The following ASTN2 variants were observed in gnomAD, a reference collection of about 807,000 sequenced individuals.
The protein encoded by ASTN2 is astrotactin 2, also known as astrotactin-2.
Under a neutral mutation model 139.8 loss-of-function variants are expected in ASTN2, and 54 were observed. The observed-to-expected ratio is 0.39, with a 90% CI of 0.31 to 0.48. The LOEUF is 0.48. Among genes scored for constraint, ASTN2 ranks in the 20% least tolerant of loss-of-function variants. The pLI, the probability that ASTN2 is intolerant of heterozygous loss-of-function variation, is 0.95. For missense variants in ASTN2, 1,565 were observed against 1,725.1 expected (o/e 0.91, Z 1.64); for synonymous variants, 756 against 719.5 (o/e 1.05, Z -0.81).
At chr9:116,450,027 T>C (rs769868463) in intron 20 of ASTN2, among the ~76,000 whole-genome samples, 6 of 152,168 alleles carry the variant, frequency 3.9e-5, no homozygotes, top group African/African-American at 7.2e-5. Flanking sequence ...ATGAGCAAAA[T>C]CAAATGGTGA....
At chr9:116,759,547 A>G (rs575440082) in intron 13 of ASTN2, among the ~76,000 whole-genome samples, 1 of 152,106 alleles carries the variant, frequency 6.6e-6, no homozygotes, top group African/African-American at 2.4e-5. Flanking sequence ...GGCTAGTGAG[A>G]AATATAACAT....
intron 10 of ASTN2, among the ~76,000 whole-genome samples, chr9:116,920,965 C>A (rs576707556): frequency 6.6e-6 from 1 of 152,242 alleles, no homozygotes; most frequent in African/African-American, 2.4e-5. Flanking sequence ...AATGAAATAC[C>A]TGAGACTGAG....
At chr9:116,620,261 G>A in intron 18 of ASTN2, 49 bp downstream of exon 18, 1 of 1,613,202 alleles carries the variant, frequency 6.2e-7, no homozygotes, top group Non-Finnish European at 8.5e-7. Context: ...ACAGGAGTGT[G>A]AGTCCACGAA....
At chr9:117,295,447 T>C (rs1269059867) in intron 1 of ASTN2, among the ~76,000 whole-genome samples, 1 of 152,206 alleles carries the variant, frequency 6.6e-6, no homozygotes, top group Non-Finnish European at 1.5e-5. Context: ...GTGTGTCTTA[T>C]TTCCTGCCAT....
At chr9:116,571,803 T>C (rs1198371341) in intron 19 of ASTN2, among the ~76,000 whole-genome samples, 1 of 152,172 alleles carries the variant, frequency 6.6e-6, no homozygotes, top group Non-Finnish European at 1.5e-5. Flanking sequence ...TATGTGTCTG[T>C]GTGCTTCCCG....
intron 19 of ASTN2, among the ~76,000 whole-genome samples, chr9:116,558,363 CTTT>C (rs35136766): frequency 6.8e-6 from 1 of 147,596 alleles, no homozygotes; most frequent in African/African-American, 2.5e-5. Flanking sequence ...ATGGTCACTA[CTTT>C]TTTTTTTTTT....
chr9:116,988,063 G>A (rs977875573), intron 7 of ASTN2, among the ~76,000 whole-genome samples: 4 of 152,196 alleles, frequency 2.6e-5, no homozygotes, highest in African/African-American at 9.7e-5. Flanking sequence ...TTTTCAGACC[G>A]CAGTTGACTG....
chr9:116,919,965 T>G (rs1005604861), intron 10 of ASTN2, among the ~76,000 whole-genome samples: 7 of 152,052 alleles, frequency 4.6e-5, no homozygotes, highest in African/African-American at 1.7e-4. Context: ...AAGTAATTTT[T>G]TAATATTAGG....
chr9:116,645,110 T>C (rs1017797234), intron 17 of ASTN2, among the ~76,000 whole-genome samples: 6 of 152,158 alleles, frequency 3.9e-5, no homozygotes, highest in Admixed American at 1.3e-4. Flanking sequence ...TCAGATCACA[T>C]AGACAGTAAA....
rs752043522 is a variant in ASTN2 at position 117,291,537 on chromosome 9, T to G, written c.443-24A>C. On this transcript the variant is annotated intron_variant, in intron 1 of 22. Transcript: ENST00000313400. ...CTCTGCAAGACAAGACCCGAGGCAC[T>G]GGGTGAGCCGTACGCCTGGCCTTGG... 3 of 1,568,148 alleles carry G rather than the reference T, an allele frequency of 1.9e-6. No individual in the cohort carries two copies. In the Admixed American group the frequency reaches 5.3e-5, roughly 28 times the overall value.
chr9:116,983,176 G>C (rs905176078), intron 7 of ASTN2, among the ~76,000 whole-genome samples: 2 of 152,142 alleles, frequency 1.3e-5, no homozygotes, highest in African/African-American at 4.8e-5. Flanking sequence ...TGGGCCCTCA[G>C]AGCAATAAAC....
At chr9:116,873,790 G>A (rs138201537) in intron 10 of ASTN2, among the ~76,000 whole-genome samples, 37 of 152,206 alleles carry the variant, frequency 2.4e-4, no homozygotes, top group Middle Eastern at 3.4e-3. Flanking sequence ...GAATTCTCAC[G>A]AGATCTGGTT....
chr9:117,132,812 A>G (rs1321723564), intron 4 of ASTN2, among the ~76,000 whole-genome samples: 6 of 152,198 alleles, frequency 3.9e-5, no homozygotes, highest in African/African-American at 1.2e-4. Context: ...CTAATCAAAG[A>G]TACATGCCAT....
chr9:116,429,193 G>A (rs1004490585), intron 22 of ASTN2, among the ~76,000 whole-genome samples: 2 of 152,050 alleles, frequency 1.3e-5, no homozygotes, highest in African/African-American at 2.4e-5. Context: ...ACAAAAATTA[G>A]CCAGGCCTTG....
intron 16 of ASTN2, among the ~76,000 whole-genome samples, chr9:116,664,806 A>G (rs1275090840): frequency 2.0e-5 from 3 of 152,212 alleles, no homozygotes; most frequent in Non-Finnish European, 4.4e-5. Context: ...ACACAAAATG[A>G]TCTGCGAATC....
rs939059521 is a variant in ASTN2, at chr9:116,447,587, G to A, written c.3498-5034C>T. ...GGCTAAAGGCATGGCTTTGGGATCA[G>A]CCAATTTGTTGTTAAATTCTGGCTT... On this transcript the variant is annotated intron_variant, in intron 20 of 22. Transcript: ENST00000313400. 3.3e-5 allele frequency among the ~76,000 whole-genome samples: 5 copies of A among 152,282 alleles called. No homozygotes were observed. The South Asian group carries it at 8.3e-4, about 25-fold the overall frequency.
At chr9:117,198,042 A>C (rs28482222) in intron 3 of ASTN2, among the ~76,000 whole-genome samples, 1 of 151,586 alleles carries the variant, frequency 6.6e-6, no homozygotes, top group Admixed American at 6.6e-5. Context: ...AAATGTGCCT[A>C]TGTAGTTTTT....
intron 1 of ASTN2, among the ~76,000 whole-genome samples, chr9:117,299,427 A>T (rs889798181): frequency 3.3e-5 from 5 of 152,184 alleles, no homozygotes; most frequent in African/African-American, 1.2e-4. Context: ...AGGAAAGGAG[A>T]TTACTTCTGG....
chr9:117,119,986 T>TTGTGTG (rs1321670412), intron 4 of ASTN2, among the ~76,000 whole-genome samples: 2 of 79,916 alleles, frequency 2.5e-5, no homozygotes, highest in African/African-American at 5.0e-5. Flanking sequence ...CTCTATATAT[T>TTGTGTG]TGTATGTGTG....
Sources: gnomAD v4.1 joint callset for allele counts (sites outside exome capture counted in the v4.1 genomes callset) on GRCh38, gnomAD v4.1.1 for gene constraint, MANE v1.5 for transcripts, NCBI Gene and HGNC (gene_info 2026-07-23, HGNC 2026-07-21) for gene names.